The following BICD1 variants were observed in gnomAD, a reference collection of about 807,000 sequenced individuals.
BICD1 encodes BICD cargo adaptor 1.
In BICD1, 35 loss-of-function variants were observed where a neutral mutation model predicts 92.5. The observed-to-expected ratio is 0.38, with a 90% CI of 0.29 to 0.50. The LOEUF is 0.50. BICD1 is among the 20% of genes least tolerant of loss of function. The pLI, the probability that BICD1 is intolerant of heterozygous loss-of-function variation, is 0.93. For missense variants in BICD1, 950 were observed against 1,189.8 expected (o/e 0.80, Z 2.97); for synonymous variants, 429 against 465.1 (o/e 0.92, Z 1.00).
intron 1 of BICD1, among the ~76,000 whole-genome samples, chr12:32,183,843 A>G (rs532628661): frequency 1.3e-5 from 2 of 152,312 alleles, no homozygotes; most frequent in East Asian, 1.9e-4. Flanking sequence ...CAGGCCATAT[A>G]GGGGATTGAG....
chr12:32,173,951 A>G (rs899149230), intron 1 of BICD1, among the ~76,000 whole-genome samples: 15 of 152,098 alleles, frequency 9.9e-5, no homozygotes, highest in African/African-American at 3.6e-4. Flanking sequence ...ACAACACACC[A>G]CTCTGCTTCT....
intron 1 of BICD1, among the ~76,000 whole-genome samples, chr12:32,200,634 G>A (rs537843000): frequency 4.6e-5 from 7 of 152,222 alleles, no homozygotes; most frequent in Admixed American, 3.3e-4. Flanking sequence ...CAACCATAGG[G>A]AATAGTGTTG....
chr12:32,340,603 C>A, intron 8 of BICD1: 1 of 739,020 alleles, frequency 1.4e-6, no homozygotes, highest in South Asian at 6.1e-5. Flanking sequence ...TCAATGTTAA[C>A]AACAATAACT....
At chr12:32,180,288 C>T (rs1349878224) in intron 1 of BICD1, among the ~76,000 whole-genome samples, 5 of 151,906 alleles carry the variant, frequency 3.3e-5, no homozygotes, top group Admixed American at 6.6e-5. Context: ...TTTCCCAGCT[C>T]TGGTTTTCCA....
chr12:32,127,098 C>A (rs1193466734), intron 1 of BICD1, among the ~76,000 whole-genome samples: 1 of 152,026 alleles, frequency 6.6e-6, no homozygotes, highest in Non-Finnish European at 1.5e-5. Flanking sequence ...TTTCCTAGTC[C>A]ATGGGTTGTC....
chr12:32,173,629 A>T (rs1944016462), intron 1 of BICD1, among the ~76,000 whole-genome samples: 1 of 152,182 alleles, frequency 6.6e-6, no homozygotes, highest in African/African-American at 2.4e-5. Context: ...GCTTCTTCTC[A>T]GTTCAGTAGC....
chr12:32,217,267 A>T (rs897016553), intron 2 of BICD1, among the ~76,000 whole-genome samples: 7 of 152,206 alleles, frequency 4.6e-5, no homozygotes, highest in African/African-American at 1.7e-4. Flanking sequence ...CAATGCAGTG[A>T]TCATTGACAG....
At chr12:32,230,708 G>A (rs149808255) in intron 2 of BICD1, among the ~76,000 whole-genome samples, 297 of 152,306 alleles carry the variant, frequency 2.0e-3, no homozygotes, top group African/African-American at 5.5e-3. Context: ...CAAAAGCGGC[G>A]TCTGTCTCAC....
intron 2 of BICD1, among the ~76,000 whole-genome samples, chr12:32,221,738 C>A (rs1376503692): frequency 1.3e-5 from 2 of 151,912 alleles, no homozygotes; most frequent in African/African-American, 2.4e-5. Context: ...TAAACAAAAA[C>A]TGATCACCCA....
At chr12:32,364,149 G>A (rs1160251213) in intron 8 of BICD1, among the ~76,000 whole-genome samples, 1 of 152,114 alleles carries the variant, frequency 6.6e-6, no homozygotes, top group Admixed American at 6.6e-5. Flanking sequence ...CACAGTTTCT[G>A]ACACAAAATA....
intron 2 of BICD1, 45 bp from the exon 3 acceptor site, chr12:32,293,949 T>C (rs749431162): frequency 7.0e-6 from 11 of 1,568,486 alleles, no homozygotes; most frequent in South Asian, 1.2e-5. Context: ...TTGTAAAATC[T>C]ACAATAAGAG....
chr12:32,163,607 G>C (rs576824012), intron 1 of BICD1, among the ~76,000 whole-genome samples: 1 of 152,170 alleles, frequency 6.6e-6, no homozygotes, highest in South Asian at 2.1e-4. Context: ...AATATTCTTG[G>C]AAAACATTTT....
At chr12:32,207,531 T>TCTC (rs1004765659) in intron 1 of BICD1, among the ~76,000 whole-genome samples, 1 of 152,168 alleles carries the variant, frequency 6.6e-6, no homozygotes, top group Non-Finnish European at 1.5e-5. Flanking sequence ...TAAAAAAACA[T>TCTC]CTCATTTAAA....
chr12:32,176,183 A>C (rs1944084433), intron 1 of BICD1, among the ~76,000 whole-genome samples: 1 of 152,208 alleles, frequency 6.6e-6, no homozygotes. Context: ...GTAATGCTCC[A>C]GTGAACTTCA....
At chr12:32,164,782 C>T (rs1798587) in intron 1 of BICD1, among the ~76,000 whole-genome samples, 152,022 of 152,350 alleles carry the variant, frequency 1, 75,850 homozygotes, top group Middle Eastern at 1. Flanking sequence ...AGTGAATCCA[C>T]TAACACTCTA....
At chr12:32,301,619 G>GAA (rs55667440) in intron 3 of BICD1, among the ~76,000 whole-genome samples, 2 of 149,250 alleles carry the variant, frequency 1.3e-5, no homozygotes, top group African/African-American at 2.5e-5. Flanking sequence ...TCTACAAAAA[G>GAA]AAAAAAAAAG....
At chr12:32,192,599 A>T (rs1438728708) in intron 1 of BICD1, among the ~76,000 whole-genome samples, 5 of 152,224 alleles carry the variant, frequency 3.3e-5, no homozygotes, top group Admixed American at 6.5e-5. Flanking sequence ...GTCTTTCTTC[A>T]GTTCTATGAA....
At chr12:32,173,130 C>T (rs770233199) in intron 1 of BICD1, among the ~76,000 whole-genome samples, 32 of 152,036 alleles carry the variant, frequency 2.1e-4, no homozygotes, top group Non-Finnish European at 3.2e-4. Flanking sequence ...TCACTGCAAC[C>T]TCCGCCTCCA....
chr12:32,234,837 A>G (rs79938334), intron 2 of BICD1, among the ~76,000 whole-genome samples: 7,323 of 151,716 alleles, frequency 0.048, 296 homozygotes, highest in East Asian at 0.21. Context: ...GCCATGTGCC[A>G]TCACACCTGA....
Sources: allele counts gnomAD v4.1 joint callset (sites outside exome capture counted in the v4.1 genomes callset), GRCh38; gene constraint gnomAD v4.1.1; transcripts MANE v1.5; gene names NCBI Gene and HGNC (gene_info 2026-07-23, HGNC 2026-07-21).